The following BMP2K variants were observed in gnomAD, a reference collection of about 807,000 sequenced individuals.
The protein encoded by BMP2K is BMP2 inducible kinase.
BMP2K carries 74 observed loss-of-function variants against 116.0 expected under a neutral mutation model. The observed-to-expected ratio is 0.64, with a 90% CI of 0.53 to 0.77. BMP2K has a LOEUF of 0.77. Among genes scored for constraint, BMP2K ranks in the 30% least tolerant of loss-of-function variants. The pLI is 0.00. For missense variants in BMP2K, 1,365 were observed against 1,403.6 expected, an observed-to-expected ratio of 0.97 and a Z score of 0.44; for synonymous variants, 486 against 502.5, an observed-to-expected ratio of 0.97 and a Z score of 0.44.
intron 8 of BMP2K, chr4:78,860,213 G>A (rs1731706896): frequency 2.6e-6 from 1 of 381,234 alleles, no homozygotes; most frequent in Non-Finnish European, 5.1e-6. Flanking sequence ...TGAAGGATGA[G>A]AAGTTACCTA....
At chr4:78,825,252 A>G (rs1337961462) in intron 1 of BMP2K, among the ~76,000 whole-genome samples, 1 of 152,062 alleles carries the variant, frequency 6.6e-6, no homozygotes, top group Non-Finnish European at 1.5e-5. Flanking sequence ...CATATAAACC[A>G]TGGCTTAAGT....
intron 3 of BMP2K, among the ~76,000 whole-genome samples, chr4:78,837,178 A>T (rs1269385836): frequency 6.6e-6 from 1 of 150,782 alleles, no homozygotes; most frequent in African/African-American, 2.4e-5. Flanking sequence ...TATTATTTTT[A>T]ATTTCCAAGG....
intron 1 of BMP2K, among the ~76,000 whole-genome samples, chr4:78,798,750 C>T (rs376831863): frequency 6.6e-6 from 1 of 152,114 alleles, no homozygotes; most frequent in East Asian, 1.9e-4. Flanking sequence ...AATATCACTG[C>T]CTTCTTCCTT....
At chr4:78,895,549 C>T (rs1374717745) in intron 15 of BMP2K, among the ~76,000 whole-genome samples, 1 of 149,558 alleles carries the variant, frequency 6.7e-6, no homozygotes, top group Non-Finnish European at 1.5e-5. Context: ...AAAGAACTGA[C>T]ACCTAAAAAA....
In BMP2K at chr4:78,911,966, A is replaced by C. The variant is rs1405046728; in HGVS notation, c.3419A>C (p.Gln1140Pro). 4 of 1,613,842 alleles carry C rather than the reference A, an allele frequency of 2.5e-6. No homozygotes were observed. ...ELVVQSITPH[Q>P]SQQSQPVELD... ...GTGGTGCAAAGCATCACTCCACATC[A>C]GTCCCAACAGTCCCAACCAGTCGAA... is the stretch of plus-strand genomic sequence containing the variant. The change falls in exon 16 of 16, where the codon CAG becomes CCG. Residue 1140 changes from glutamine (Q) to proline (P), a missense_variant. By Grantham distance (76) the Gln-to-Pro change is moderately conservative. This residue lies in a region of BMP2K where 596 missense variants were observed against 623.2 expected (regional missense o/e 0.96). Transcript: ENST00000502613.
At chr4:78,793,476 G>A (rs1422286496) in intron 1 of BMP2K, among the ~76,000 whole-genome samples, 1 of 150,754 alleles carries the variant, frequency 6.6e-6, no homozygotes, top group East Asian at 1.9e-4. Flanking sequence ...AATTAATAAA[G>A]GTTTAAAAAT....
At chr4:78,899,634 T>C (rs974436148) in intron 15 of BMP2K, among the ~76,000 whole-genome samples, 2 of 150,494 alleles carry the variant, frequency 1.3e-5, no homozygotes, top group African/African-American at 2.4e-5. Flanking sequence ...ACAGGAGAAG[T>C]ACAGGAGGGC....
chr4:78,841,751 A>G (rs1338532306), intron 3 of BMP2K, among the ~76,000 whole-genome samples: 1 of 152,102 alleles, frequency 6.6e-6, no homozygotes, highest in African/African-American at 2.4e-5. Context: ...TGAGTTATTC[A>G]GAGTCATCAA....
intron 1 of BMP2K, among the ~76,000 whole-genome samples, chr4:78,802,531 A>G (rs1728614790): frequency 6.6e-6 from 1 of 152,216 alleles, no homozygotes; most frequent in South Asian, 2.1e-4. Flanking sequence ...CCTTGAAGTT[A>G]TACATACAGT....
rs931802875 is a variant in BMP2K, at chr4:78,807,394, A to AT, written c.179-18634dup. 5.6e-4 allele frequency among the ~76,000 whole-genome samples: 83 copies of AT among 149,226 alleles called. 1 individual carries two copies. In the East Asian group the frequency reaches 8.9e-3, roughly 16 times the overall value. ...CTATACTCAAGGGATATTGGTCTGTATTTTTTTTTCTTGTGATTTATTTTT... is the reference window on the plus strand; with the variant it reads ...CTATACTCAAGGGATATTGGTCTGTATTTTTTTTTTCTTGTGATTTATTTTT... On this transcript the variant is annotated intron_variant, in intron 1 of 15. Transcript: ENST00000502613.
intron 14 of BMP2K, among the ~76,000 whole-genome samples, chr4:78,883,811 C>T (rs958635204): frequency 1.3e-5 from 2 of 152,048 alleles, no homozygotes; most frequent in East Asian, 1.9e-4. Flanking sequence ...GCCTGTAATC[C>T]TGCTACTTTG....
In BMP2K at chr4:78,785,628, TAACAA is replaced by T. The variant is rs567154585; in HGVS notation, c.178+8916_178+8920del. 5.3e-5 allele frequency among the ~76,000 whole-genome samples: 8 copies of T among 152,266 alleles called. No individual in the cohort carries two copies. The South Asian group carries it at 1.0e-3, about 20-fold the overall frequency. The stretch of plus-strand genomic sequence containing the variant: ...ATATATGTATTTTAGAGAGTATTAG[TAACAA>T]AACAAAACCTTTTTATTCAAAAAGA... On this transcript the variant is annotated intron_variant, in intron 1 of 15. Transcript: ENST00000502613.
chr4:78,806,611 C>T (rs1262543029), intron 1 of BMP2K, among the ~76,000 whole-genome samples: 1 of 152,104 alleles, frequency 6.6e-6, no homozygotes, highest in East Asian at 1.9e-4. Flanking sequence ...AGTGGTGAGA[C>T]ATAAATATAT....
chr4:78,815,782 G>A (rs1729310073), intron 1 of BMP2K, among the ~76,000 whole-genome samples: 1 of 151,906 alleles, frequency 6.6e-6, no homozygotes, highest in Middle Eastern at 3.2e-3. Context: ...TAGGACAGAG[G>A]GTATTATAGT....
At chr4:78,799,247 A>G (rs375872632) in intron 1 of BMP2K, among the ~76,000 whole-genome samples, 1 of 152,036 alleles carries the variant, frequency 6.6e-6, no homozygotes. Context: ...ATTAAAAAAT[A>G]ACTTGATTGT....
chr4:78,856,594 G>C (rs1731515941), intron 7 of BMP2K, among the ~76,000 whole-genome samples: 3 of 151,906 alleles, frequency 2.0e-5, no homozygotes. Context: ...TCTACCTGTG[G>C]GTTTTAGGTA....
chr4:78,832,310 A>C (rs1730245025), intron 2 of BMP2K, among the ~76,000 whole-genome samples: 1 of 152,132 alleles, frequency 6.6e-6, no homozygotes, highest in African/African-American at 2.4e-5. Context: ...ATTTTTCCGC[A>C]TTCTTGCCAA....
At chr4:78,845,750 G>C (rs961919155) in intron 5 of BMP2K, among the ~76,000 whole-genome samples, 12 of 151,604 alleles carry the variant, frequency 7.9e-5, no homozygotes, top group Non-Finnish European at 1.5e-4. Context: ...AACCTTTTCT[G>C]AGTTGCCTTT....
chr4:78,839,888 AGG>A (rs1180802187), intron 3 of BMP2K, among the ~76,000 whole-genome samples: 3 of 152,132 alleles, frequency 2.0e-5, no homozygotes, highest in Non-Finnish European at 4.4e-5. Context: ...ACCCAGATTA[AGG>A]GTGGGTCTGC....
Sources: allele counts gnomAD v4.1 joint callset (sites outside exome capture counted in the v4.1 genomes callset), GRCh38; gene constraint gnomAD v4.1.1; regional missense constraint gnomAD v4.1.1; transcripts MANE v1.5; gene names NCBI Gene and HGNC (gene_info 2026-07-23, HGNC 2026-07-21).